The following TSHZ2 variants were observed in gnomAD, a reference collection of about 807,000 sequenced individuals.
TSHZ2 encodes teashirt homolog 2.
TSHZ2 carries 21 observed loss-of-function variants against 74.4 expected under a neutral mutation model. The ratio of observed to expected loss-of-function variants is 0.28; its 90% CI spans 0.20 to 0.41. The LOEUF (loss-of-function observed/expected upper bound fraction) is 0.41, where lower values mean the gene tolerates loss of function less well. TSHZ2 is among the 10% of genes least tolerant of loss of function. The probability of loss-of-function intolerance (pLI) is 1.00; values close to 1 mark genes in which losing one functional copy is unlikely to be tolerated. For missense variants in TSHZ2, 1,244 were observed against 1,293.5 expected (o/e 0.96, Z 0.59); for synonymous variants, 540 against 515.3 (o/e 1.05, Z -0.65).
At chr20:53,324,798 C>T (rs1402449535) in intron 2 of TSHZ2, among the ~76,000 whole-genome samples, 2 of 152,162 alleles carry the variant, frequency 1.3e-5, no homozygotes, top group African/African-American at 4.8e-5. Context: ...AATGTATTGC[C>T]CCTACTATTC....
intron 1 of TSHZ2, among the ~76,000 whole-genome samples, chr20:53,230,964 T>A (rs921243004): frequency 6.6e-6 from 1 of 152,188 alleles, no homozygotes; most frequent in Non-Finnish European, 1.5e-5. Flanking sequence ...GCCATAGGGA[T>A]GCAAAGTAAA....
chr20:53,472,672 G>A (rs148791543), intron 2 of TSHZ2, among the ~76,000 whole-genome samples: 13,325 of 152,072 alleles, frequency 0.088, 800 homozygotes, highest in Non-Finnish European at 0.12. Context: ...GGCCGAATAG[G>A]AACAGCTCCA....
At chr20:53,133,440 G>C (rs541943898) in intron 1 of TSHZ2, among the ~76,000 whole-genome samples, 2 of 152,274 alleles carry the variant, frequency 1.3e-5, no homozygotes, top group South Asian at 4.1e-4. Context: ...ACTTTGGTAG[G>C]CATCATCTTA....
At chr20:53,139,336 A>G (rs189804472) in intron 1 of TSHZ2, among the ~76,000 whole-genome samples, 1 of 152,340 alleles carries the variant, frequency 6.6e-6, no homozygotes, top group Admixed American at 6.5e-5. Flanking sequence ...ATCTAAATAC[A>G]TATTCCATGA....
chr20:53,032,757 T>C (rs890262526), intron 1 of TSHZ2, among the ~76,000 whole-genome samples: 2 of 150,656 alleles, frequency 1.3e-5, no homozygotes, highest in East Asian at 1.9e-4. Flanking sequence ...TTTTTTTTTT[T>C]CCGACTCCTT....
chr20:53,160,116 G>C (rs1357054551), intron 1 of TSHZ2, among the ~76,000 whole-genome samples: 1 of 152,170 alleles, frequency 6.6e-6, no homozygotes, highest in African/African-American at 2.4e-5. Flanking sequence ...GAAATTCAAA[G>C]CAAGATGCCT....
At chr20:52,977,692 T>C (rs1981398490) in intron 1 of TSHZ2, among the ~76,000 whole-genome samples, 1 of 152,196 alleles carries the variant, frequency 6.6e-6, no homozygotes, top group South Asian at 2.1e-4. Flanking sequence ...TCAGACTGAA[T>C]AGGACATCTC....
At chr20:53,338,808 C>T (rs1012591777) in intron 2 of TSHZ2, among the ~76,000 whole-genome samples, 12 of 152,272 alleles carry the variant, frequency 7.9e-5, no homozygotes, top group African/African-American at 2.6e-4. Flanking sequence ...GTACTGAGGG[C>T]GAGAAGTCCT....
At chr20:53,268,438 G>C (rs1990762508) in intron 2 of TSHZ2, among the ~76,000 whole-genome samples, 1 of 152,192 alleles carries the variant, frequency 6.6e-6, no homozygotes, top group Non-Finnish European at 1.5e-5. Flanking sequence ...AAGAACTCAA[G>C]CAGGAGGAGA....
At chr20:53,075,620 A>C (rs192251094) in intron 1 of TSHZ2, among the ~76,000 whole-genome samples, 1 of 152,358 alleles carries the variant, frequency 6.6e-6, no homozygotes, top group Non-Finnish European at 1.5e-5. Context: ...TAGAAACAGA[A>C]GGCAGCAGGA....
intron 1 of TSHZ2, among the ~76,000 whole-genome samples, chr20:53,025,675 ATTTC>A (rs1983412927): frequency 6.6e-6 from 1 of 152,216 alleles, no homozygotes; most frequent in African/African-American, 2.4e-5. Flanking sequence ...AAAAATTACT[ATTTC>A]TTACCTAAAA....
chr20:53,380,949 G>T (rs1365843023), intron 2 of TSHZ2, among the ~76,000 whole-genome samples: 2 of 152,164 alleles, frequency 1.3e-5, no homozygotes. Flanking sequence ...TAATGACTAT[G>T]CTGGTCTCAT....
Position 53,256,848 on chromosome 20 carries a change from TC to T in TSHZ2, c.*8+279del, listed in dbSNP as rs577704337. On this transcript the variant is annotated intron_variant, in intron 2 of 2. Coordinates refer to ENST00000371497, the MANE Select transcript of TSHZ2 (RefSeq NM_173485.6). The surrounding 1 kb of genome is among the most constrained non-coding windows in gnomAD (Gnocchi z 4.3). ...TTTTTTAGGCCTTCATCATCCATAA[TC>T]CTGAATTACCCAAGGCAAGCTCCAG... 7.0e-4 allele frequency among the ~76,000 whole-genome samples: 107 copies of T among 152,350 alleles called. No homozygotes were observed. Among genetic ancestry groups the T allele is most frequent in the African/African-American group, 2.5e-3 (106 of 41,584 alleles).
chr20:53,311,445 T>C (rs763638822), intron 2 of TSHZ2, among the ~76,000 whole-genome samples: 6 of 152,254 alleles, frequency 3.9e-5, no homozygotes, highest in Non-Finnish European at 5.9e-5. Context: ...CATTCTGTTT[T>C]AAAAGTATGC....
chr20:53,150,058 G>A (rs1020143272), intron 1 of TSHZ2, among the ~76,000 whole-genome samples: 5 of 152,116 alleles, frequency 3.3e-5, no homozygotes, highest in East Asian at 1.9e-4. Context: ...CGGACACTGC[G>A]GTAAATGTTT....
At chr20:53,361,882 T>TTTGTTG in intron 2 of TSHZ2, among the ~76,000 whole-genome samples, 1 of 150,192 alleles carries the variant, frequency 6.7e-6, no homozygotes. Context: ...TTGGTTTTCT[T>TTTGTTG]TTGTTGTTGT....
chr20:53,151,628 A>G (rs185940246), intron 1 of TSHZ2, among the ~76,000 whole-genome samples: 25 of 152,350 alleles, frequency 1.6e-4, no homozygotes, highest in East Asian at 5.8e-4. Context: ...AAAAAGTTCA[A>G]TAGATTTTTC....
intron 1 of TSHZ2, among the ~76,000 whole-genome samples, chr20:53,142,830 A>C (rs1365710052): frequency 6.6e-6 from 1 of 152,130 alleles, no homozygotes; most frequent in African/African-American, 2.4e-5. Flanking sequence ...GATGAAAAAA[A>C]AAAAAAATGC....
At chr20:53,471,876 G>A (rs564724334) in intron 2 of TSHZ2, among the ~76,000 whole-genome samples, 21 of 148,518 alleles carry the variant, frequency 1.4e-4, no homozygotes, top group East Asian at 5.9e-4. Flanking sequence ...GCATGATCTC[G>A]GCTCACTACG....
Sources: gnomAD v4.1 joint callset for allele counts (sites outside exome capture counted in the v4.1 genomes callset) on GRCh38, gnomAD v4.1.1 for gene constraint, Gnocchi (gnomAD v3.1) non-coding constraint, MANE v1.5 for transcripts, NCBI Gene and HGNC (gene_info 2026-07-23, HGNC 2026-07-21) for gene names.